SHB: variants seen among roughly 807,000 people sequenced by gnomAD.
SHB encodes the protein SH2 domain-containing adapter protein B.
Under a neutral mutation model 52.3 loss-of-function variants are expected in SHB, and 20 were observed. The ratio of observed to expected loss-of-function variants is 0.38; its 90% confidence interval spans 0.27 to 0.56. SHB has a LOEUF of 0.56. Ranked by LOEUF, SHB falls within the 20% of genes least tolerant of loss-of-function variation. The pLI is 0.71. For missense variants in SHB, 825 were observed against 723.3 expected (o/e 1.14, Z -1.61); for synonymous variants, 397 against 316.5 (o/e 1.25, Z -2.70).
intron 1 of SHB, among the ~76,000 whole-genome samples, chr9:38,034,988 CA>C (rs1411693396): frequency 6.6e-6 from 1 of 152,186 alleles, no homozygotes; most frequent in African/African-American, 2.4e-5. Flanking sequence ...TGAGCCACCC[CA>C]TCCGGCCTGG....
At chr9:38,044,281 G>A (rs1202074118) in intron 1 of SHB, among the ~76,000 whole-genome samples, 5 of 152,246 alleles carry the variant, frequency 3.3e-5, no homozygotes, top group Non-Finnish European at 7.3e-5. Flanking sequence ...CCCACTGCCT[G>A]TGGGCCAAAG....
chr9:38,032,829 G>A (rs999066307), intron 1 of SHB, among the ~76,000 whole-genome samples: 29 of 152,162 alleles, frequency 1.9e-4, no homozygotes, highest in African/African-American at 6.5e-4. Flanking sequence ...GAGAGGCCCC[G>A]GACCCCAACA....
At chr9:38,046,620 G>A (rs1821655572) in intron 1 of SHB, among the ~76,000 whole-genome samples, 2 of 152,190 alleles carry the variant, frequency 1.3e-5, no homozygotes, top group African/African-American at 4.8e-5. Flanking sequence ...GTGAAAAGGT[G>A]GGTGATCACG....
At chr9:37,926,490 A>G (rs1832252767) in intron 5 of SHB, among the ~76,000 whole-genome samples, 1 of 152,164 alleles carries the variant, frequency 6.6e-6, no homozygotes. Context: ...GGGCCTACAG[A>G]TTCCAGGTGG....
chr9:37,977,981 T>G (rs1820674757), intron 2 of SHB, among the ~76,000 whole-genome samples: 1 of 152,218 alleles, frequency 6.6e-6, no homozygotes, highest in Non-Finnish European at 1.5e-5. Flanking sequence ...GGAGTGCTTT[T>G]GCTCACTCTC....
intron 1 of SHB, among the ~76,000 whole-genome samples, chr9:38,054,288 C>T (rs1446868018): frequency 6.6e-6 from 1 of 152,220 alleles, no homozygotes; most frequent in Non-Finnish European, 1.5e-5. Context: ...AGAAGCAGGA[C>T]AGGGAATGCC....
chr9:38,024,712 T>C (rs534306797), intron 1 of SHB, among the ~76,000 whole-genome samples: 1 of 152,194 alleles, frequency 6.6e-6, no homozygotes, highest in Non-Finnish European at 1.5e-5. Context: ...GGAGGTTCTA[T>C]TTTGAACTCA....
chr9:37,945,796 A>G (rs1487531232), intron 5 of SHB, among the ~76,000 whole-genome samples: 3 of 152,096 alleles, frequency 2.0e-5, no homozygotes, highest in Non-Finnish European at 4.4e-5. Context: ...AGATGGGGAC[A>G]TGGGGAGAGT....
intron 1 of SHB, among the ~76,000 whole-genome samples, chr9:38,045,303 T>C (rs912913032): frequency 1.2e-4 from 18 of 152,124 alleles, no homozygotes; most frequent in African/African-American, 3.6e-4. Flanking sequence ...CTAGTAACAT[T>C]TGTAAAAGCC....
intron 5 of SHB, 126 bp downstream of exon 5, chr9:37,948,509 C>T: frequency 1.7e-6 from 2 of 1,174,662 alleles, no homozygotes; most frequent in Admixed American, 1.9e-5. Context: ...AAACCCAGGC[C>T]TAAAATAACG....
intron 5 of SHB, among the ~76,000 whole-genome samples, chr9:37,922,305 TG>T (rs1261367220): frequency 3.9e-5 from 6 of 152,244 alleles, no homozygotes; most frequent in African/African-American, 1.2e-4. Flanking sequence ...CTACGGCATC[TG>T]GCAAGGGAAG....
Position 37,961,436 on chromosome 9 carries a change from T to C in SHB, c.1055-5382A>G, listed in dbSNP as rs180760208. Among the ~76,000 whole-genome samples the C allele has an allele frequency of 3.3e-3, 499 of 152,204 alleles. 5 individuals are homozygous for C. Among genetic ancestry groups the C allele is most frequent in the Non-Finnish European group, 4.5e-3 (304 of 67,994 alleles). On this transcript the variant is annotated intron_variant, in intron 3 of 5. Transcript: ENST00000377707. ...AAAAAGCCGATGGACCTCTAAAGCA[T>C]AGCTCTCCTGGGTTTGCAAACCCTC...
intron 5 of SHB, among the ~76,000 whole-genome samples, chr9:37,922,024 G>C (rs1832186970): frequency 6.6e-6 from 1 of 152,222 alleles, no homozygotes; most frequent in South Asian, 2.1e-4. Context: ...CAGGGAGGAG[G>C]GTATGACCCT....
chr9:38,034,336 C>T (rs537794100), intron 1 of SHB, among the ~76,000 whole-genome samples: 1 of 152,230 alleles, frequency 6.6e-6, no homozygotes, highest in East Asian at 1.9e-4. Context: ...GCCAACCTGA[C>T]CACAGGCTGC....
At chr9:38,031,034 G>A (rs1211158979) in intron 1 of SHB, among the ~76,000 whole-genome samples, 1 of 152,128 alleles carries the variant, frequency 6.6e-6, no homozygotes, top group Non-Finnish European at 1.5e-5. Flanking sequence ...ATTTTATGAA[G>A]GAAAGGGCTG....
intron 1 of SHB, among the ~76,000 whole-genome samples, chr9:38,064,446 C>T (rs990249282): frequency 9.9e-5 from 15 of 152,196 alleles, no homozygotes; most frequent in African/African-American, 3.6e-4. Flanking sequence ...AGATTTTATA[C>T]ACATACACAC....
chr9:37,977,412 G>A (rs1310095426), intron 2 of SHB, among the ~76,000 whole-genome samples: 1 of 152,134 alleles, frequency 6.6e-6, no homozygotes, highest in East Asian at 1.9e-4. Flanking sequence ...AATAAGAAGG[G>A]AAAAACCTTC....
chr9:37,945,949 C>A (rs1487121939), intron 5 of SHB, among the ~76,000 whole-genome samples: 1 of 152,218 alleles, frequency 6.6e-6, no homozygotes, highest in Non-Finnish European at 1.5e-5. Context: ...GAATTCTGGA[C>A]AATGGGTCCT....
intron 3 of SHB, among the ~76,000 whole-genome samples, chr9:37,962,020 A>G (rs1413434249): frequency 1.3e-5 from 2 of 152,198 alleles, no homozygotes; most frequent in Non-Finnish European, 2.9e-5. Context: ...AGGAGTCAGG[A>G]GGACCTGGGT....
Sources: gnomAD v4.1 joint callset for allele counts (sites outside exome capture counted in the v4.1 genomes callset) on GRCh38, gnomAD v4.1.1 for gene constraint, MANE v1.5 for transcripts, NCBI Gene and HGNC (gene_info 2026-07-23, HGNC 2026-07-21) for gene names.